STK36: variants seen among roughly 807,000 people sequenced by gnomAD.
STK36 encodes serine/threonine kinase 36.
A neutral mutation model predicts 142.2 loss-of-function variants in STK36; 116 were observed. The observed-to-expected ratio is 0.82, with a 90% CI of 0.70 to 0.95. The LOEUF (loss-of-function observed/expected upper bound fraction) is 0.95, where lower values mean the gene tolerates loss of function less well. STK36 is among the 40% of genes least tolerant of loss of function. The probability of loss-of-function intolerance (pLI) is 0.00; values close to 1 mark genes in which losing one functional copy is unlikely to be tolerated. For synonymous variants in STK36, 619 were observed against 641.7 expected (o/e 0.96, Z 0.53); for missense variants, 1,422 against 1,617.2 (o/e 0.88, Z 2.07).
At position 218,694,369 on chromosome 2, in the gene STK36, C is replaced by T. The variant is rs572725665; in HGVS notation, c.2400+42C>T. On this transcript the variant is annotated intron_variant, in intron 20 of 26. Coordinates refer to ENST00000295709, the MANE Select transcript of STK36 (RefSeq NM_015690.5). This position sits in a 1 kb window ranked among gnomAD's most constrained non-coding sequence, Gnocchi z 4.4. ...CACCCTCCTCCCCTTTTCACCCTAGCATCTACCCCTTGTGGAAGTGGGGGA... is the reference window on the plus strand; with the variant it reads ...CACCCTCCTCCCCTTTTCACCCTAGTATCTACCCCTTGTGGAAGTGGGGGA... 7 of 1,579,402 alleles carry T rather than the reference C, an allele frequency of 4.4e-6. No individual in the cohort carries two copies. In the East Asian group the frequency reaches 8.9e-5, roughly 20 times the overall value.
In STK36 at chr2:218,694,037, C is replaced by A; in HGVS notation, c.2336+54C>A. 6.5e-7 allele frequency: 1 copy of A among 1,547,512 alleles called. No individual in the cohort carries two copies. The highest frequency in any genetic ancestry group is 8.9e-7 in the Non-Finnish European group (1 of 1,119,770). On this transcript the variant is annotated intron_variant, in intron 19 of 26. Coordinates refer to ENST00000295709, the MANE Select transcript of STK36 (RefSeq NM_015690.5). The surrounding 1 kb of genome is among the most constrained non-coding windows in gnomAD (Gnocchi z 4.4). ...GAAGTCTTCTAGCCACATAGCTAAC[C>A]CTCACAAAGAGTATGGGGAATGGTA...
At chr2:218,683,347 T>G (rs1940621934) in intron 10 of STK36, among the ~76,000 whole-genome samples, 3 of 151,744 alleles carry the variant, frequency 2.0e-5, no homozygotes, top group South Asian at 2.1e-4. Context: ...CGATCTTGGC[T>G]CACTGCAACC....
Position 218,679,158 on chromosome 2 carries a change from C to G in STK36, c.685-10C>G. ...AAGAATGACTGATGGAATATTTTTT[C>G]TCTCTGTAGAACTTCCTGCAGGGAC... is the stretch of plus-strand genomic sequence containing the variant. On this transcript the variant is annotated splice_polypyrimidine_tract_variant and intron_variant, in intron 6 of 26. Transcript: ENST00000295709. 1 of 1,612,664 alleles carries G rather than the reference C, an allele frequency of 6.2e-7. No individual in the cohort carries two copies. Among genetic ancestry groups the G allele is most frequent in the African/African-American group, 1.3e-5 (1 of 74,938 alleles).
chr2:218,675,943 G>T, intron 5 of STK36, 86 bp from the exon 6 acceptor site: 1 of 1,548,586 alleles, frequency 6.5e-7, no homozygotes, highest in Non-Finnish European at 8.8e-7. Flanking sequence ...CCTCTGCTCC[G>T]GTTTGGGATA....
chr2:218,698,855 T>C lies in STK36; in HGVS notation c.3311T>C (p.Leu1104Pro), dbSNP rs1305229725. 3.7e-6 allele frequency: 6 copies of C among 1,614,126 alleles called. No individual in the cohort carries two copies. The highest frequency in any genetic ancestry group is 5.1e-6 in the Non-Finnish European group (6 of 1,180,052). ...CACTTGTCCTTTATCCAAGAGCTTCTGGCTGGCTCTGATGAATCCTATCGG... is the reference window on the plus strand; with the variant it reads ...CACTTGTCCTTTATCCAAGAGCTTCCGGCTGGCTCTGATGAATCCTATCGG... ...PSHLSFIQEL[L>P]AGSDESYRPL... The change falls in exon 26 of 27, where the codon CTG (leucine) becomes CCG (proline). Residue 1104 changes from leucine to proline, a missense_variant. Leu to Pro is a moderately conservative substitution (Grantham distance 98, BLOSUM62 -3). Coordinates refer to ENST00000295709, the MANE Select transcript of STK36 (RefSeq NM_015690.5).
intron 5 of STK36, among the ~76,000 whole-genome samples, chr2:218,675,776 G>A (rs935914118): frequency 1.2e-4 from 18 of 151,738 alleles, no homozygotes; most frequent in African/African-American, 3.4e-4. Context: ...TGCCCACCTC[G>A]GCCTCCCAAA....
intron 4 of STK36, among the ~76,000 whole-genome samples, chr2:218,674,163 T>C (rs1176520522): frequency 2.0e-5 from 3 of 152,234 alleles, no homozygotes; most frequent in African/African-American, 7.2e-5. Context: ...TTGGCTCTGC[T>C]CCTTCCTAGC....
chr2:218,672,992 T>C (rs1375489060), intron 2 of STK36, 79 bp downstream of exon 2: 13 of 1,287,622 alleles, frequency 1.0e-5, no homozygotes, highest in Non-Finnish European at 1.5e-5. Context: ...AGAAGGAATG[T>C]ATTTATACCA....
chr2:218,698,677 C>T lies in STK36; in HGVS notation c.3133C>T (p.Pro1045Ser), dbSNP rs1941327289. ...TCTCACACGCCTGGCCCTCATGGAT[C>T]CCACCTCTCTCAACCAGTTTGTGAA... The part of the protein sequence containing the change: ...SLLTRLALMD[P>S]TSLNQFVNTV... The change falls in exon 26 of 27, where the codon CCC becomes TCC. Residue 1045 changes from proline to serine, a missense_variant. Coordinates refer to ENST00000295709, the MANE Select transcript of STK36 (RefSeq NM_015690.5). The T allele has an allele frequency of 6.2e-7, 1 of 1,614,194 alleles. No individual in the cohort carries two copies. The highest frequency in any genetic ancestry group is 2.2e-5 in the East Asian group (1 of 44,872).
rs1460375407 is a variant in STK36 at position 218,692,248 on chromosome 2, C to A, written c.1870C>A (p.Leu624Ile). ...TTQQVVLDGL[L>I]HGLTVPQLPV... ...ACAGCAGGTTGTCTTGGATGGGCTC[C>A]TTCATGGCTTGACAGTTCCACAGCT... The change falls in exon 15 of 27, where the codon CTT becomes ATT. Residue 624 changes from leucine to isoleucine, a missense_variant. Physicochemically the swap from Leu to Ile is conservative, Grantham distance 5 (BLOSUM62 2). Transcript: ENST00000295709. 2 of 1,614,204 alleles carry A rather than the reference C, an allele frequency of 1.2e-6. No individual in the cohort carries two copies. The highest frequency in any genetic ancestry group is 2.2e-5 in the South Asian group (2 of 91,082).
At chr2:218,683,955 G>A (rs1189017029) in intron 10 of STK36, among the ~76,000 whole-genome samples, 1 of 135,216 alleles carries the variant, frequency 7.4e-6, no homozygotes, top group African/African-American at 3.0e-5. Flanking sequence ...TGGTGTATAT[G>A]TGCCACTTTT....
rs143680180 is a variant in STK36, at chr2:218,675,543, A to G, written c.434+70A>G. The G allele has an allele frequency of 0.014, 15,435 of 1,091,832 alleles. 1,480 individuals carry two copies. The African/African-American group carries it at 0.26, about 19-fold the overall frequency. The allele number at this position is 1,091,832 out of a possible 1,614,324, so 67.6% of individuals were successfully genotyped here. ...ATCTTTTTTTTTTTTTTTTTTTTTG[A>G]GATGGAGTTTCACTCTTGTTACCCA... On this transcript the variant is annotated intron_variant, in intron 5 of 26. Coordinates refer to ENST00000295709, the MANE Select transcript of STK36 (RefSeq NM_015690.5).
chr2:218,692,413 T>C, intron 15 of STK36, 120 bp downstream of exon 15: 1 of 1,497,704 alleles, frequency 6.7e-7, no homozygotes, highest in South Asian at 1.3e-5. Context: ...AATAAATAAC[T>C]GTGAACTGAG....
In STK36 at chr2:218,694,410, G is replaced by A; in HGVS notation, c.2400+83G>A. ...AAGTGGGGGAGTCACTATCCAATTT[G>A]CATCTGTTTCTGGAGGCATTCTTTT... On this transcript the variant is annotated intron_variant, in intron 20 of 26. Transcript: ENST00000295709. The surrounding 1 kb of genome is among the most constrained non-coding windows in gnomAD (Gnocchi z 4.4). 6.6e-7 allele frequency: 1 copy of A among 1,519,440 alleles called. No individual in the cohort carries two copies. The highest frequency in any genetic ancestry group is 9.1e-7 in the Non-Finnish European group (1 of 1,094,330). The allele number at this position is 1,519,440 out of a possible 1,614,324, so 94.1% of individuals were successfully genotyped here.
At chr2:218,674,096 G>A (rs963895777) in intron 4 of STK36, 140 bp downstream of exon 4, 5 of 786,454 alleles carry the variant, frequency 6.4e-6, no homozygotes, top group African/African-American at 5.2e-5. Flanking sequence ...TATAGAGGCA[G>A]TGTAGTGTGG....
chr2:218,698,621 C>T lies in STK36; in HGVS notation c.3077C>T (p.Pro1026Leu), dbSNP rs370829125. Residue 1026 changes from proline to leucine, a missense_variant, in exon 26 of 27, where the codon CCG becomes CTG. Transcript: ENST00000295709. ...TCTCAGGTCTGCTGCTACCATCTTC[C>T]GTTGATGCAAGTGGAGCTGCCCATC... The part of the protein sequence containing the change: ...HLLQVCCYHL[P>L]LMQVELPISL... 1.5e-4 allele frequency: 247 copies of T among 1,613,764 alleles called. 1 individual carries two copies. The highest frequency in any genetic ancestry group is 2.0e-4 in the Non-Finnish European group (234 of 1,179,866).
At position 218,688,722 on chromosome 2, in the gene STK36, C is replaced by G. The variant is rs747014286; in HGVS notation, c.1406C>G (p.Ala469Gly). The change falls in exon 12 of 27, where the codon GCT (alanine) becomes GGT (glycine). Residue 469 changes from alanine (A) to glycine (G), a missense_variant. Ala to Gly is a moderately conservative substitution (Grantham distance 60). Coordinates refer to ENST00000295709, the MANE Select transcript of STK36 (RefSeq NM_015690.5). The stretch of plus-strand genomic sequence containing the variant: ...ATCCTGAAAGGCATCTTGGAGGGTG[C>G]TTCCCACATCCTGCCTGCATTCCGG... Reference protein sequence around the residue: ...GQILKGILEGASHILPAFRVL... With the variant: ...GQILKGILEGGSHILPAFRVL... 6.2e-7 allele frequency: 1 copy of G among 1,613,610 alleles called. No individual in the cohort carries two copies. The highest frequency in any genetic ancestry group is 8.5e-7 in the Non-Finnish European group (1 of 1,179,810).
At position 218,690,507 on chromosome 2, in the gene STK36, G is replaced by T; in HGVS notation, c.1716G>T (p.Leu572=). ...NLFLDLLGKL[L]AQPDDSEQTL... is the part of the protein sequence containing the mutation. ...TTCTGGACCTGTTGGGGAAACTGCT[G>T]GCCCAACCAGATGACTCTGAGCAGA... Residue 572 remains leucine (L), a synonymous_variant, in exon 14 of 27, where the codon CTG becomes CTT. Transcript: ENST00000295709. The T allele has an allele frequency of 6.2e-7, 1 of 1,614,118 alleles. No individual in the cohort carries two copies. Among genetic ancestry groups the T allele is most frequent in the Non-Finnish European group, 8.5e-7 (1 of 1,180,014 alleles).
At chr2:218,690,976 A>G (rs375965292) in intron 14 of STK36, among the ~76,000 whole-genome samples, 80 of 152,330 alleles carry the variant, frequency 5.3e-4, no homozygotes, top group African/African-American at 1.8e-3. Flanking sequence ...TAGAAATTCT[A>G]TACAGAAAGA....
Sources: gnomAD v4.1 joint callset for allele counts (sites outside exome capture counted in the v4.1 genomes callset) on GRCh38, gnomAD v4.1.1 for gene constraint, Gnocchi (gnomAD v3.1) non-coding constraint, MANE v1.5 for transcripts, NCBI Gene and HGNC (gene_info 2026-07-23, HGNC 2026-07-21) for gene names.